CCDC28A: variants seen among roughly 807,000 people sequenced by gnomAD.
CCDC28A encodes coiled-coil domain containing 28A.
Under a neutral mutation model 22.1 loss-of-function variants are expected in CCDC28A, and 24 were observed. The observed-to-expected ratio is 1.09, with a 90% confidence interval of 0.79 to 1.53. The LOEUF is 1.53. Among genes scored for constraint, CCDC28A ranks in the 40% most tolerant of loss-of-function variants. The pLI is 0.00. For missense variants in CCDC28A, 170 were observed against 210.7 expected, an observed-to-expected ratio of 0.81 and a Z score of 1.20; for synonymous variants, 83 against 74.7, an observed-to-expected ratio of 1.11 and a Z score of -0.57.
chr6:138,776,500 A>AC (rs1329903804), intron 2 of CCDC28A, among the ~76,000 whole-genome samples: 2 of 152,190 alleles, frequency 1.3e-5, no homozygotes, highest in East Asian at 3.8e-4. Flanking sequence ...GTCTTATATT[A>AC]AAATATACAA....
At chr6:138,790,699 C>A (rs1775158480) in intron 5 of CCDC28A, among the ~76,000 whole-genome samples, 1 of 152,180 alleles carries the variant, frequency 6.6e-6, no homozygotes, top group Non-Finnish European at 1.5e-5. Flanking sequence ...TCCTAATTTC[C>A]CTCTTTGTCG....
intron 3 of CCDC28A, among the ~76,000 whole-genome samples, chr6:138,782,970 C>T (rs7753418): frequency 0.27 from 40,820 of 151,802 alleles, 6,183 homozygotes; most frequent in African/African-American, 0.41. Flanking sequence ...ATTCTACTAT[C>T]AAGGGATTGC....
At chr6:138,784,717 C>CA (rs1264904790) in intron 3 of CCDC28A, among the ~76,000 whole-genome samples, 1 of 147,630 alleles carries the variant, frequency 6.8e-6, no homozygotes, top group Non-Finnish European at 1.5e-5. Flanking sequence ...TTTTTTGAGA[C>CA]AGAGTCTCGC....
chr6:138,783,628 C>T (rs190804270), intron 3 of CCDC28A, among the ~76,000 whole-genome samples: 5 of 151,630 alleles, frequency 3.3e-5, no homozygotes, highest in South Asian at 2.1e-4. Flanking sequence ...TTAGTGGAGA[C>T]GGGGTTTCAC....
intron 2 of CCDC28A, among the ~76,000 whole-genome samples, chr6:138,777,344 C>T (rs17067882): frequency 0.016 from 2,396 of 152,230 alleles, 66 homozygotes; most frequent in African/African-American, 0.054. Context: ...AAATGATAAA[C>T]AGCAGTTTTG....
At chr6:138,779,256 G>A (rs1008656237) in intron 2 of CCDC28A, among the ~76,000 whole-genome samples, 1 of 152,166 alleles carries the variant, frequency 6.6e-6, no homozygotes, top group African/African-American at 2.4e-5. Flanking sequence ...TAGATATTTT[G>A]TGGGTATAAT....
chr6:138,788,197 G>A (rs992438956), intron 4 of CCDC28A, among the ~76,000 whole-genome samples, 169 bp from the exon 5 acceptor site: 2 of 152,036 alleles, frequency 1.3e-5, no homozygotes, highest in African/African-American at 4.8e-5. Flanking sequence ...CTGGGCTCAA[G>A]CAGTTCTCCC....
chr6:138,785,255 A>C lies in CCDC28A; in HGVS notation c.351A>C (p.Glu117Asp). 6.2e-7 allele frequency: 1 copy of C among 1,613,676 alleles called. No homozygotes were observed. The highest frequency in any genetic ancestry group is 8.5e-7 in the Non-Finnish European group (1 of 1,179,644). Residue 117 changes from glutamate to aspartate, a missense_variant, in exon 4 of 6, where the codon GAA becomes GAC. Glu to Asp is a conservative substitution (Grantham distance 45). Coordinates refer to ENST00000617445, the MANE Select transcript of CCDC28A (RefSeq NM_015439.3). ...ATGAATGTTCCATTGAACAGATGGAACATGTTCGGGGAATGCAGGAGAAAT... is the reference window on the plus strand; with the variant it reads ...ATGAATGTTCCATTGAACAGATGGACCATGTTCGGGGAATGCAGGAGAAAT... ...FGNECSIEQM[E>D]HVRGMQEKLA...
At chr6:138,779,314 G>A (rs901246379) in intron 2 of CCDC28A, among the ~76,000 whole-genome samples, 9 of 152,152 alleles carry the variant, frequency 5.9e-5, no homozygotes, top group African/African-American at 1.9e-4. Flanking sequence ...AGTTAGAGGA[G>A]TCAAGGATGA....
At chr6:138,785,087 C>A in intron 3 of CCDC28A, 140 bp from the exon 4 acceptor site, 1 of 517,432 alleles carries the variant, frequency 1.9e-6, no homozygotes, top group Non-Finnish European at 3.3e-6. Context: ...TTATTAAACA[C>A]AGAAAATATT....
intron 1 of CCDC28A, among the ~76,000 whole-genome samples, chr6:138,774,383 C>G (rs1015548393): frequency 1.3e-5 from 2 of 152,150 alleles, no homozygotes; most frequent in African/African-American, 4.8e-5. Flanking sequence ...ATCCTTGCCT[C>G]TTCAGAGAAC....
intron 4 of CCDC28A, among the ~76,000 whole-genome samples, chr6:138,786,710 A>G (rs1775098283): frequency 6.6e-6 from 1 of 152,004 alleles, no homozygotes; most frequent in African/African-American, 2.4e-5. Flanking sequence ...AACTTCCTGA[A>G]CTCATACGAT....
chr6:138,774,018 G>A, intron 1 of CCDC28A, 116 bp downstream of exon 1: 1 of 1,266,248 alleles, frequency 7.9e-7, no homozygotes, highest in East Asian at 2.4e-5. Context: ...GATTGGGGAA[G>A]GGGAATGAGG....
intron 5 of CCDC28A, among the ~76,000 whole-genome samples, chr6:138,791,352 G>A (rs753358193): frequency 4.6e-5 from 7 of 152,138 alleles, no homozygotes; most frequent in Non-Finnish European, 7.3e-5. Flanking sequence ...AAAGTGCTGG[G>A]ATTCCAGGCG....
chr6:138,782,944 G>T lies in CCDC28A; in HGVS notation c.323-2283G>T, dbSNP rs1775040576. Among the ~76,000 whole-genome samples the T allele has an allele frequency of 2.7e-5, 4 of 150,634 alleles. No individual in the cohort carries two copies. The South Asian group carries it at 8.3e-4, about 31-fold the overall frequency. On this transcript the variant is annotated intron_variant, in intron 3 of 5. Transcript: ENST00000617445. ...TAGTACCTTTAGGAAAAACAGAAAG[G>T]TTTTTTTTTTAAAAAATTCTACTAT...
intron 5 of CCDC28A, among the ~76,000 whole-genome samples, chr6:138,791,665 C>T (rs571208301): frequency 1.4e-3 from 213 of 152,268 alleles, no homozygotes; most frequent in African/African-American, 4.9e-3. Flanking sequence ...GTACCTCCTA[C>T]CTAGAGTTAC....
chr6:138,792,397 A>G (rs1190988606), intron 5 of CCDC28A, among the ~76,000 whole-genome samples: 2 of 152,086 alleles, frequency 1.3e-5, no homozygotes, highest in Non-Finnish European at 2.9e-5. Flanking sequence ...TTAGCCAGGT[A>G]TGTTGGCACA....
chr6:138,785,537 C>T (rs1002421841), intron 4 of CCDC28A, among the ~76,000 whole-genome samples, 156 bp downstream of exon 4: 1 of 152,182 alleles, frequency 6.6e-6, no homozygotes, highest in Non-Finnish European at 1.5e-5. Context: ...GTTCACCACC[C>T]CAGAAAGAAA....
At chr6:138,783,935 G>A (rs1372001318) in intron 3 of CCDC28A, among the ~76,000 whole-genome samples, 1 of 147,278 alleles carries the variant, frequency 6.8e-6, no homozygotes, top group Non-Finnish European at 1.5e-5. Flanking sequence ...GGAGTGCAGT[G>A]GTGTGATCAT....
Sources: gnomAD v4.1 joint callset for allele counts (sites outside exome capture counted in the v4.1 genomes callset) on GRCh38, gnomAD v4.1.1 for gene constraint, MANE v1.5 for transcripts, NCBI Gene and HGNC (gene_info 2026-07-23, HGNC 2026-07-21) for gene names.